NEK11: variants seen among roughly 807,000 people sequenced by gnomAD.
NEK11 encodes the protein serine/threonine-protein kinase Nek11.
In NEK11, 72 loss-of-function variants were observed where a neutral mutation model predicts 80.7. That is an observed-to-expected ratio of 0.89 (90% CI 0.74 to 1.08). NEK11 has a LOEUF of 1.08. Ranked by LOEUF, NEK11 falls within the 50% of genes least tolerant of loss-of-function variation. The pLI is 0.00. For missense variants in NEK11, 764 were observed against 763.6 expected, an observed-to-expected ratio of 1.00 and a Z score of -0.01; for synonymous variants, 251 against 260.7, an observed-to-expected ratio of 0.96 and a Z score of 0.36.
intron 10 of NEK11, among the ~76,000 whole-genome samples, chr3:131,157,210 T>A (rs2090823706): frequency 6.6e-6 from 1 of 152,220 alleles, no homozygotes; most frequent in Non-Finnish European, 1.5e-5. Context: ...CAGGGTAGGA[T>A]CCTGTCCTTA....
chr3:131,175,693 G>T (rs1333159818), intron 14 of NEK11, among the ~76,000 whole-genome samples: 1 of 152,064 alleles, frequency 6.6e-6, no homozygotes, highest in African/African-American at 2.4e-5. Context: ...TGGCTACCCA[G>T]ATGTGTAAAT....
chr3:131,267,311 T>C (rs1206606527), intron 16 of NEK11, among the ~76,000 whole-genome samples: 2 of 152,258 alleles, frequency 1.3e-5, no homozygotes, highest in African/African-American at 2.4e-5. Flanking sequence ...TAGCATGTTT[T>C]TGCAGTGGCT....
chr3:131,265,175 C>A (rs536793687), intron 16 of NEK11, among the ~76,000 whole-genome samples: 1 of 152,300 alleles, frequency 6.6e-6, no homozygotes, highest in Middle Eastern at 3.4e-3. Flanking sequence ...GACAATTTGA[C>A]TTCCTCTTTT....
intron 7 of NEK11, among the ~76,000 whole-genome samples, chr3:131,137,406 A>T (rs1413047223): frequency 6.6e-6 from 1 of 152,132 alleles, no homozygotes; most frequent in Non-Finnish European, 1.5e-5. Flanking sequence ...CCTGTAACTA[A>T]AATGAGGCCA....
intron 15 of NEK11, 124 bp downstream of exon 15, chr3:131,228,812 CT>C: frequency 1.1e-6 from 1 of 933,136 alleles, no homozygotes; most frequent in Non-Finnish European, 1.5e-6. Context: ...ATTATAATAG[CT>C]ACTTGTGGTA....
At chr3:131,083,347 T>TG (rs11405549) in intron 4 of NEK11, among the ~76,000 whole-genome samples, 20,657 of 152,244 alleles carry the variant, frequency 0.14, 1,683 homozygotes, top group Non-Finnish European at 0.19. Context: ...CGGGAGGGGC[T>TG]GTTGCCATGG....
At chr3:131,086,326 A>G (rs1336192838) in intron 4 of NEK11, among the ~76,000 whole-genome samples, 1 of 152,114 alleles carries the variant, frequency 6.6e-6, no homozygotes, top group Non-Finnish European at 1.5e-5. Flanking sequence ...CTTACTCTCT[A>G]TTCTTTACCT....
At chr3:131,337,014 G>T (rs946918546) in intron 17 of NEK11, among the ~76,000 whole-genome samples, 4 of 152,108 alleles carry the variant, frequency 2.6e-5, no homozygotes, top group Admixed American at 1.3e-4. Context: ...TACACTGTTG[G>T]TGGGACTGTA....
chr3:131,134,855 A>G (rs1022063756), intron 7 of NEK11, among the ~76,000 whole-genome samples: 2 of 152,224 alleles, frequency 1.3e-5, no homozygotes, highest in Non-Finnish European at 2.9e-5. Context: ...AATTGTATTC[A>G]GTATGTTCTA....
intron 5 of NEK11, among the ~76,000 whole-genome samples, chr3:131,114,520 A>C (rs1395419603): frequency 6.6e-6 from 1 of 152,188 alleles, no homozygotes; most frequent in East Asian, 1.9e-4. Flanking sequence ...CCTATCCAGG[A>C]CAGGCTTTAC....
At chr3:131,201,398 G>T (rs2094220755) in intron 14 of NEK11, among the ~76,000 whole-genome samples, 1 of 151,960 alleles carries the variant, frequency 6.6e-6, no homozygotes, top group South Asian at 2.1e-4. Flanking sequence ...TAGTAGTTTT[G>T]CAAGTATTTG....
At position 131,129,736 on chromosome 3, in the gene NEK11, C is replaced by G. The variant is rs144917086; in HGVS notation, c.456-3009C>G. Among the ~76,000 whole-genome samples, 466 of 152,266 alleles carry G rather than the reference C, an allele frequency of 3.1e-3. 1 individual carries two copies. The highest frequency in any genetic ancestry group is 0.011 in the African/African-American group (445 of 41,546). ...CATTGCATTGCCTTTGCTTCTTTGT[C>G]AAAGATCAGTTGACTGTATTCACGC... On this transcript the variant is annotated intron_variant, in intron 5 of 17. Coordinates refer to ENST00000383366, the MANE Select transcript of NEK11 (RefSeq NM_024800.5).
At chr3:131,113,047 T>C (rs761149004) in intron 5 of NEK11, among the ~76,000 whole-genome samples, 5 of 152,080 alleles carry the variant, frequency 3.3e-5, no homozygotes, top group Non-Finnish European at 5.9e-5. Flanking sequence ...ATGCATGAGA[T>C]TGTGAGACCT....
At chr3:131,279,886 C>G (rs1003951730) in intron 17 of NEK11, among the ~76,000 whole-genome samples, 1 of 152,164 alleles carries the variant, frequency 6.6e-6, no homozygotes, top group Non-Finnish European at 1.5e-5. Context: ...AGGTTTCTGT[C>G]CCCAGTAAGA....
intron 14 of NEK11, among the ~76,000 whole-genome samples, chr3:131,198,103 T>G (rs974401134): frequency 1.3e-5 from 2 of 152,204 alleles, no homozygotes; most frequent in Non-Finnish European, 2.9e-5. Flanking sequence ...TTTACCCTTT[T>G]TTCCTTCTCC....
chr3:131,087,090 A>T (rs77506224), intron 4 of NEK11, among the ~76,000 whole-genome samples: 1,810 of 152,268 alleles, frequency 0.012, 22 homozygotes, highest in East Asian at 0.07. Flanking sequence ...GAAAGTTATT[A>T]TAATTGTTCG....
chr3:131,250,026 A>G (rs2095670972), intron 16 of NEK11, among the ~76,000 whole-genome samples: 1 of 152,084 alleles, frequency 6.6e-6, no homozygotes, highest in African/African-American at 2.4e-5. Context: ...AAACAATATT[A>G]AAATTCTAAA....
intron 17 of NEK11, among the ~76,000 whole-genome samples, chr3:131,292,137 TGGATGTAC>T (rs2096550352): frequency 6.6e-6 from 1 of 152,254 alleles, no homozygotes; most frequent in Non-Finnish European, 1.5e-5. Flanking sequence ...TATTTGCATA[TGGATGTAC>T]GGTTGTTCCA....
intron 14 of NEK11, among the ~76,000 whole-genome samples, chr3:131,197,536 T>A (rs983149199): frequency 2.0e-5 from 3 of 152,168 alleles, no homozygotes; most frequent in African/African-American, 7.2e-5. Flanking sequence ...TTTGGGACAC[T>A]TCACAGGCCC....
Sources: gnomAD v4.1 joint callset for allele counts (sites outside exome capture counted in the v4.1 genomes callset) on GRCh38, gnomAD v4.1.1 for gene constraint, MANE v1.5 for transcripts, NCBI Gene and HGNC (gene_info 2026-07-23, HGNC 2026-07-21) for gene names.